SNX29: variants seen among roughly 807,000 people sequenced by gnomAD.
The protein encoded by SNX29 is sorting nexin-29.
In SNX29, 78 loss-of-function variants were observed where a neutral mutation model predicts 102.1. The ratio of observed to expected loss-of-function variants is 0.76; its 90% confidence interval spans 0.64 to 0.92. SNX29 has a LOEUF of 0.92. Among genes scored for constraint, SNX29 ranks in the 40% least tolerant of loss-of-function variants. The pLI, the probability that SNX29 is intolerant of heterozygous loss-of-function variation, is 0.00. For missense variants in SNX29, 1,280 were observed against 1,061.7 expected (o/e 1.21, Z -2.86); for synonymous variants, 580 against 414.5 (o/e 1.40, Z -4.85).
At chr16:12,305,269 C>G (rs747891952) in intron 15 of SNX29, among the ~76,000 whole-genome samples, 10 of 152,234 alleles carry the variant, frequency 6.6e-5, no homozygotes, top group South Asian at 4.1e-4. Context: ...CAAGTCTTGG[C>G]AGAGGTGTGA....
At chr16:12,567,283 C>T (rs2079051397) in intron 20 of SNX29, among the ~76,000 whole-genome samples, 1 of 150,798 alleles carries the variant, frequency 6.6e-6, no homozygotes, top group Non-Finnish European at 1.5e-5. Context: ...GGATCCAGGA[C>T]TTACATCCAG....
At chr16:12,068,247 C>A (rs147307802) in intron 9 of SNX29, among the ~76,000 whole-genome samples, 196 of 151,908 alleles carry the variant, frequency 1.3e-3, no homozygotes, top group Non-Finnish European at 2.0e-3. Flanking sequence ...GAGGCCAGGG[C>A]GGAAGGATTG....
At chr16:12,493,977 T>G (rs757325860) in intron 19 of SNX29, among the ~76,000 whole-genome samples, 1 of 152,236 alleles carries the variant, frequency 6.6e-6, no homozygotes, top group Non-Finnish European at 1.5e-5. Context: ...GATTTCTTCT[T>G]CCCTTTCTTG....
Position 12,571,247 on chromosome 16 carries a change from A to T in SNX29, c.*2618A>T. On this transcript the variant is annotated 3_prime_UTR_variant, in exon 21 of 21. Coordinates refer to ENST00000566228, the MANE Select transcript of SNX29 (RefSeq NM_032167.5). ...GTTCCTGGAGTTATGGAGCAGAAAC[A>T]CCCAGGCCTAGCAGAATTGTGGCTG... The T allele has an allele frequency of 4.3e-6, 1 of 232,024 alleles. No individual in the cohort carries two copies. Among genetic ancestry groups the T allele is most frequent in the East Asian group, 6.1e-5 (1 of 16,406 alleles). The allele number at this position is 232,024 out of a possible 1,614,324, so 14.4% of individuals were successfully genotyped here.
chr16:12,518,235 G>C (rs558138512), intron 19 of SNX29, among the ~76,000 whole-genome samples: 1 of 152,182 alleles, frequency 6.6e-6, no homozygotes, highest in Non-Finnish European at 1.5e-5. Context: ...GTGTTGATCA[G>C]ATCAGCTACC....
intron 18 of SNX29, among the ~76,000 whole-genome samples, chr16:12,454,691 G>C (rs928183728): frequency 6.6e-6 from 1 of 152,252 alleles, no homozygotes; most frequent in South Asian, 2.1e-4. Context: ...CGCATCATTG[G>C]AGGAATGAAT....
Position 12,572,613 on chromosome 16 carries a change from C to G in SNX29, c.*3984C>G, listed in dbSNP as rs1028023526. ...TCCCAGTGAGCCCCCTCCCCTCCGG[C>G]TACCCCCAGAATCCATCCTTCATTC... is the stretch of plus-strand genomic sequence containing the variant. On this transcript the variant is annotated 3_prime_UTR_variant, in exon 21 of 21. Transcript: ENST00000566228. The G allele has an allele frequency of 5.6e-6, 6 of 1,063,764 alleles. No homozygotes were observed. The highest frequency in any genetic ancestry group is 9.1e-5 in the South Asian group (2 of 21,962). The allele number at this position is 1,063,764 out of a possible 1,614,324, so 65.9% of individuals were successfully genotyped here. A position where few individuals can be genotyped will look rare whatever the true frequency, so the allele number is the denominator to read the frequency against.
At chr16:12,202,629 G>T (rs1487733389) in intron 14 of SNX29, among the ~76,000 whole-genome samples, 1 of 152,176 alleles carries the variant, frequency 6.6e-6, no homozygotes, top group African/African-American at 2.4e-5. Context: ...CTTTCTCCTC[G>T]CCACGGAGCC....
chr16:12,239,115 C>G (rs761207883), intron 14 of SNX29, among the ~76,000 whole-genome samples: 5 of 152,138 alleles, frequency 3.3e-5, no homozygotes, highest in Non-Finnish European at 7.4e-5. Context: ...GAAGTGTAGT[C>G]TTTTAGCTTG....
At chr16:12,393,777 T>G (rs1343666356) in intron 16 of SNX29, among the ~76,000 whole-genome samples, 1 of 152,242 alleles carries the variant, frequency 6.6e-6, no homozygotes, top group Non-Finnish European at 1.5e-5. Context: ...GTTTGAAGAT[T>G]AACTGTGAGA....
chr16:12,501,365 C>G (rs2089113860), intron 19 of SNX29, among the ~76,000 whole-genome samples: 1 of 152,162 alleles, frequency 6.6e-6, no homozygotes, highest in African/African-American at 2.4e-5. Flanking sequence ...GGTTGCACCA[C>G]TACACTCCAG....
intron 11 of SNX29, among the ~76,000 whole-genome samples, chr16:12,125,030 G>A (rs1207858450): frequency 6.6e-6 from 1 of 152,174 alleles, no homozygotes; most frequent in Admixed American, 6.5e-5. Context: ...CGCGGCTCAG[G>A]GGAGAGGAGA....
chr16:12,028,935 G>T (rs1230870277), intron 4 of SNX29, among the ~76,000 whole-genome samples: 1 of 150,708 alleles, frequency 6.6e-6, no homozygotes, highest in Non-Finnish European at 1.5e-5. Flanking sequence ...TTTTAGTAGA[G>T]ACAGGTTTCA....
rs113486005 is a variant in SNX29, at chr16:12,543,751, G to GA, written c.2318+18911dup. 7.5e-4 allele frequency among the ~76,000 whole-genome samples: 114 copies of GA among 152,344 alleles called. 1 individual carries two copies. The Middle Eastern group carries it at 0.01, about 14-fold the overall frequency. ...GGCATTGCAGTGGAGTTGACTGGGG[G>GA]AGATTTTCCAAGTTTATTTTCCAAG... On this transcript the variant is annotated intron_variant, in intron 20 of 20. Transcript: ENST00000566228.
intron 2 of SNX29, among the ~76,000 whole-genome samples, chr16:12,002,210 G>A (rs2056313117): frequency 6.6e-6 from 1 of 152,104 alleles, no homozygotes; most frequent in Admixed American, 6.6e-5. Flanking sequence ...CACTTTGGGA[G>A]GCCAAGGCGG....
intron 19 of SNX29, among the ~76,000 whole-genome samples, chr16:12,510,560 C>G (rs1422465495): frequency 4.6e-5 from 7 of 152,054 alleles, no homozygotes; most frequent in Non-Finnish European, 1.5e-5. Context: ...GTAGTCCCAG[C>G]TACTTGGGAG....
chr16:12,025,411 G>A (rs764336638), intron 3 of SNX29, among the ~76,000 whole-genome samples: 5 of 151,784 alleles, frequency 3.3e-5, no homozygotes, highest in Non-Finnish European at 5.9e-5. Context: ...TTTCAATGTG[G>A]GGGAGTATTC....
chr16:12,026,038 C>T (rs1002028244), intron 3 of SNX29, among the ~76,000 whole-genome samples: 1 of 152,046 alleles, frequency 6.6e-6, no homozygotes, highest in Non-Finnish European at 1.5e-5. Context: ...ATTTTACTAC[C>T]CACAGAGTGA....
chr16:12,568,826 C>T lies in SNX29; in HGVS notation c.*197C>T. On this transcript the variant is annotated 3_prime_UTR_variant, in exon 21 of 21. Transcript: ENST00000566228. ...CCGCATGATACCGTGACCCGAGAGA[C>T]CAAGGCAGCACCTCGCTGGAGAGAC... is the stretch of plus-strand genomic sequence containing the variant. 2.4e-6 allele frequency: 2 copies of T among 838,728 alleles called. No individual in the cohort carries two copies. The highest frequency in any genetic ancestry group is 1.8e-6 in the Non-Finnish European group (1 of 558,646). The allele number at this position is 838,728 out of a possible 1,614,324, so 52.0% of individuals were successfully genotyped here. A position where few individuals can be genotyped will look rare whatever the true frequency, so the allele number is the denominator to read the frequency against.
Sources: allele counts gnomAD v4.1 joint callset (sites outside exome capture counted in the v4.1 genomes callset), GRCh38; gene constraint gnomAD v4.1.1; transcripts MANE v1.5; gene names NCBI Gene and HGNC (gene_info 2026-07-23, HGNC 2026-07-21).